The following INPP5F variants were observed in gnomAD, a reference collection of about 807,000 sequenced individuals.
The protein encoded by INPP5F is inositol polyphosphate-5-phosphatase F.
INPP5F carries 97 observed loss-of-function variants against 137.2 expected under a neutral mutation model. The ratio of observed to expected loss-of-function variants is 0.71; its 90% confidence interval spans 0.60 to 0.84. The LOEUF (loss-of-function observed/expected upper bound fraction) is 0.84, where lower values mean the gene tolerates loss of function less well. Among genes scored for constraint, INPP5F ranks in the 40% least tolerant of loss-of-function variants. The probability of loss-of-function intolerance (pLI) is 0.00; values close to 1 mark genes in which losing one functional copy is unlikely to be tolerated. For synonymous variants in INPP5F, 504 were observed against 476.9 expected (o/e 1.06, Z -0.74); for missense variants, 1,271 against 1,371.9 (o/e 0.93, Z 1.16).
chr10:119,758,502 A>G (rs1848914627), intron 2 of INPP5F, among the ~76,000 whole-genome samples: 1 of 152,242 alleles, frequency 6.6e-6, no homozygotes. Context: ...AGACTGCTTT[A>G]GGCTGGAGAT....
chr10:119,742,424 G>C (rs1352378494), intron 1 of INPP5F, among the ~76,000 whole-genome samples: 2 of 152,118 alleles, frequency 1.3e-5, no homozygotes, highest in Non-Finnish European at 2.9e-5. Flanking sequence ...CCAAAGTGCT[G>C]GCATTACAGG....
intron 1 of INPP5F, among the ~76,000 whole-genome samples, chr10:119,735,677 C>T (rs1848197032): frequency 6.6e-6 from 1 of 152,210 alleles, no homozygotes; most frequent in Non-Finnish European, 1.5e-5. Context: ...GAGTAACAGT[C>T]TCTTTTCTAG....
intron 16 of INPP5F, among the ~76,000 whole-genome samples, chr10:119,822,137 C>T (rs1851593363): frequency 6.6e-6 from 1 of 152,118 alleles, no homozygotes; most frequent in Non-Finnish European, 1.5e-5. Context: ...ATCCACCCGC[C>T]TCGGCCCCCT....
intron 2 of INPP5F, among the ~76,000 whole-genome samples, chr10:119,772,231 C>G (rs1452224936): frequency 6.6e-6 from 1 of 151,716 alleles, no homozygotes; most frequent in East Asian, 1.9e-4. Flanking sequence ...TTACCTTTTT[C>G]TTTTCTACAG....
intron 2 of INPP5F, among the ~76,000 whole-genome samples, chr10:119,769,525 C>T (rs938700683): frequency 6.6e-6 from 1 of 152,052 alleles, no homozygotes; most frequent in African/African-American, 2.4e-5. Flanking sequence ...GAGGGTGTTT[C>T]CAGAAGATAC....
intron 2 of INPP5F, among the ~76,000 whole-genome samples, chr10:119,753,420 A>G (rs1317946891): frequency 1.3e-5 from 2 of 152,206 alleles, no homozygotes; most frequent in African/African-American, 4.8e-5. Flanking sequence ...ACAACAGTGT[A>G]TACTTTCTCA....
Position 119,827,128 on chromosome 10 carries a change from A to G in INPP5F, c.2747A>G (p.His916Arg), listed in dbSNP as rs1350510038. The change falls in exon 20 of 20, where the codon CAT becomes CGT. Residue 916 changes from histidine to arginine, a missense_variant. His to Arg is a conservative substitution (Grantham distance 29). Around this residue, in one of 6 missense-constraint regions of INPP5F, gnomAD observed 490 missense variants for 443.7 expected, o/e 1.10. Transcript: ENST00000650623. ...CTTAGCAGCACAGATAGTAGCGTTC[A>G]TGCTCCTTCAGAGATTACTGTTGCT... ...QSLSSTDSSV[H>R]APSEITVAHG... The G allele has an allele frequency of 5.0e-6, 8 of 1,614,054 alleles. No individual in the cohort carries two copies. Among genetic ancestry groups the G allele is most frequent in the Non-Finnish European group, 6.8e-6 (8 of 1,180,042 alleles).
chr10:119,742,568 C>T (rs1292795788), intron 1 of INPP5F, among the ~76,000 whole-genome samples: 1 of 152,124 alleles, frequency 6.6e-6, no homozygotes, highest in Admixed American at 6.5e-5. Context: ...GGAGATACCT[C>T]CAATAGGACT....
At chr10:119,788,415 C>A (rs1850003706) in intron 3 of INPP5F, among the ~76,000 whole-genome samples, 1 of 152,124 alleles carries the variant, frequency 6.6e-6, no homozygotes, top group African/African-American at 2.4e-5. Context: ...GAAAGATACA[C>A]CCACAAAGGA....
intron 14 of INPP5F, among the ~76,000 whole-genome samples, chr10:119,810,569 A>G (rs1850991740): frequency 6.6e-6 from 1 of 152,250 alleles, no homozygotes; most frequent in African/African-American, 2.4e-5. Flanking sequence ...AAGGCTGAGC[A>G]ATGTAACCAG....
At chr10:119,767,107 GAAAAAAA>G (rs35875262) in intron 2 of INPP5F, among the ~76,000 whole-genome samples, 11 of 40,542 alleles carry the variant, frequency 2.7e-4, no homozygotes, top group African/African-American at 6.8e-4. Flanking sequence ...TCTGTCTCCA[GAAAAAAA>G]AAAAAAAAAA....
At chr10:119,736,279 G>A (rs1370953211) in intron 1 of INPP5F, among the ~76,000 whole-genome samples, 1 of 152,160 alleles carries the variant, frequency 6.6e-6, no homozygotes. Context: ...AAGGTAATGA[G>A]TTTGGAAAGT....
intron 19 of INPP5F, among the ~76,000 whole-genome samples, chr10:119,824,397 G>A (rs1851683285): frequency 6.6e-6 from 1 of 152,132 alleles, no homozygotes; most frequent in Admixed American, 6.5e-5. Context: ...CTGGTCAGCT[G>A]TTTTGTAGAA....
At chr10:119,789,205 A>G (rs904749530) in intron 3 of INPP5F, among the ~76,000 whole-genome samples, 2 of 151,514 alleles carry the variant, frequency 1.3e-5, no homozygotes, top group Non-Finnish European at 2.9e-5. Context: ...AGCCTGGGCA[A>G]CAAGAGCGAA....
chr10:119,762,297 A>G (rs1479337531), intron 2 of INPP5F, among the ~76,000 whole-genome samples: 1 of 152,182 alleles, frequency 6.6e-6, no homozygotes, highest in Non-Finnish European at 1.5e-5. Flanking sequence ...AAAGCCCCAG[A>G]AGATTTGATG....
At chr10:119,785,572 G>GAGAC (rs1849875978) in intron 3 of INPP5F, among the ~76,000 whole-genome samples, 1 of 151,192 alleles carries the variant, frequency 6.6e-6, no homozygotes, top group African/African-American at 2.4e-5. Context: ...GAGAGAGAGA[G>GAGAC]AGAGAGACTG....
At chr10:119,796,450 A>C (rs925152799) in intron 6 of INPP5F, among the ~76,000 whole-genome samples, 8 of 152,058 alleles carry the variant, frequency 5.3e-5, no homozygotes, top group African/African-American at 1.9e-4. Context: ...GGCAAGGGTG[A>C]CTCCCCTCAG....
intron 1 of INPP5F, among the ~76,000 whole-genome samples, chr10:119,739,225 C>T (rs910419948): frequency 1.3e-5 from 2 of 152,008 alleles, no homozygotes; most frequent in African/African-American, 4.8e-5. Context: ...GTGAGTCTTT[C>T]ATTTTGAGCA....
intron 2 of INPP5F, among the ~76,000 whole-genome samples, chr10:119,757,813 T>C (rs1159368135): frequency 6.6e-6 from 1 of 152,126 alleles, no homozygotes; most frequent in East Asian, 1.9e-4. Flanking sequence ...TGGTAGTCAA[T>C]TTCATATCAC....
Sources: gnomAD v4.1 joint callset for allele counts (sites outside exome capture counted in the v4.1 genomes callset) on GRCh38, gnomAD v4.1.1 for gene constraint, gnomAD v4.1.1 regional missense constraint, MANE v1.5 for transcripts, NCBI Gene and HGNC (gene_info 2026-07-23, HGNC 2026-07-21) for gene names.